The following TM4SF19 variants were observed in gnomAD, a reference collection of about 807,000 sequenced individuals.
The protein encoded by TM4SF19 is transmembrane 4 L six family member 19.
Under a neutral mutation model 21.8 loss-of-function variants are expected in TM4SF19, and 17 were observed. The ratio of observed to expected loss-of-function variants is 0.78; its 90% CI spans 0.53 to 1.17. The LOEUF is 1.17. Ranked by LOEUF, TM4SF19 falls within the 50% of genes most tolerant of loss-of-function variation. The pLI is 0.00. For missense variants in TM4SF19, 216 were observed against 252.1 expected (o/e 0.86, Z 0.97); for synonymous variants, 107 against 106.7 (o/e 1.00, Z -0.02).
intron 1 of TM4SF19, among the ~76,000 whole-genome samples, chr3:196,332,611 G>GTA (rs1727564534): frequency 1.3e-5 from 2 of 150,462 alleles, no homozygotes. Context: ...ATGTGTGTAC[G>GTA]TACACACACA....
intron 1 of TM4SF19, among the ~76,000 whole-genome samples, chr3:196,330,134 C>T (rs940062236): frequency 2.1e-4 from 28 of 136,324 alleles, no homozygotes; most frequent in African/African-American, 5.5e-4. Flanking sequence ...GGCCTCCCAC[C>T]GCGCGCGGTG....
chr3:196,324,530 G>A (rs1300553606), intron 3 of TM4SF19, 90 bp from the exon 4 acceptor site: 6 of 1,421,956 alleles, frequency 4.2e-6, no homozygotes, highest in African/African-American at 2.8e-5. Flanking sequence ...AGACGGGGTC[G>A]CAGCTGGGGA....
At chr3:196,333,410 AAC>A (rs1727602030) in intron 1 of TM4SF19, among the ~76,000 whole-genome samples, 2 of 152,230 alleles carry the variant, frequency 1.3e-5, no homozygotes, top group South Asian at 2.1e-4. Flanking sequence ...AATAAAATAG[AAC>A]AGTTATAACA....
intron 2 of TM4SF19, 45 bp from the exon 3 acceptor site, chr3:196,327,077 CG>C: frequency 1.3e-6 from 2 of 1,532,144 alleles, no homozygotes; most frequent in Middle Eastern, 1.7e-4. Context: ...TCGACTTTGC[CG>C]GCTGTTTCTA....
rs746750815 is a variant in TM4SF19, at chr3:196,324,172, A to G, written c.449+99T>C. The G allele has an allele frequency of 3.4e-6, 5 of 1,481,376 alleles. No homozygotes were observed. In the South Asian group the frequency reaches 5.8e-5, roughly 17 times the overall value. The allele number at this position is 1,481,376 out of a possible 1,614,324, so 91.8% of individuals were successfully genotyped here. On this transcript the variant is annotated intron_variant, in intron 4 of 4. Coordinates refer to ENST00000273695, the MANE Select transcript of TM4SF19 (RefSeq NM_138461.4). ...AGTATCAGAGGAGCAAGATGCTAGGATGTGTGACCCAAAGGAGCTTGTAGT... is the reference window on the plus strand; with the variant it reads ...AGTATCAGAGGAGCAAGATGCTAGGGTGTGTGACCCAAAGGAGCTTGTAGT...
At chr3:196,324,765 C>T in intron 3 of TM4SF19, 1 of 285,802 alleles carries the variant, frequency 3.5e-6, no homozygotes, top group Non-Finnish European at 6.6e-6. Flanking sequence ...CATCACAAAC[C>T]TTTTGCACAT....
chr3:196,324,059 C>A, intron 4 of TM4SF19, 62 bp from the exon 5 acceptor site: 1 of 1,583,250 alleles, frequency 6.3e-7, no homozygotes, highest in South Asian at 1.1e-5. Context: ...AAACAGGCAA[C>A]CCCAGTAGAA....
At chr3:196,334,745 A>C (rs1727655205) in intron 1 of TM4SF19, among the ~76,000 whole-genome samples, 1 of 151,644 alleles carries the variant, frequency 6.6e-6, no homozygotes, top group South Asian at 2.1e-4. Flanking sequence ...TGAGCCACCA[A>C]ACCCGGCCAG....
At chr3:196,328,552 A>G (rs960903993) in intron 1 of TM4SF19, among the ~76,000 whole-genome samples, 4 of 152,224 alleles carry the variant, frequency 2.6e-5, no homozygotes, top group African/African-American at 9.6e-5. Context: ...TGCAAGACCT[A>G]TATAGTAAGA....
At chr3:196,324,511 G>A (rs571581907) in intron 3 of TM4SF19, 71 bp from the exon 4 acceptor site, 46 of 1,538,774 alleles carry the variant, frequency 3.0e-5, no homozygotes, top group African/African-American at 5.5e-5. Context: ...GAGGAGAAAC[G>A]CTGAGCTAAG....
Position 196,326,982 on chromosome 3 carries a change from G to GCA in TM4SF19, c.250_251dup (p.Phe85AlafsTer26). On this transcript the variant is annotated frameshift_variant, in exon 3 of 5. Transcript: ENST00000273695. LOFTEE classifies it high-confidence loss of function. ...TTCGACAGAGCCCACTCTTACTGAA[G>GCA]CAGCCGTATCTCCAGCCCATCAAGG... The GCA allele has an allele frequency of 6.2e-7, 1 of 1,610,876 alleles. No individual in the cohort carries two copies. The highest frequency in any genetic ancestry group is 8.5e-7 in the Non-Finnish European group (1 of 1,177,938).
At position 196,323,652 on chromosome 3, in the gene TM4SF19, A is replaced by G. The variant is rs139136804; in HGVS notation, c.*165T>C. ...CTGGAAGTTTACAATGTGATTTAAA[A>G]TGCATTCTATCATTCCACCGACCTG... On this transcript the variant is annotated 3_prime_UTR_variant, in exon 5 of 5. Coordinates refer to ENST00000273695, the MANE Select transcript of TM4SF19 (RefSeq NM_138461.4). 255 of 1,328,944 alleles carry G rather than the reference A, an allele frequency of 1.9e-4. 1 individual carries two copies. The African/African-American group carries it at 3.4e-3, about 18-fold the overall frequency. 82.3% of individuals were successfully genotyped at this position (1,328,944 alleles called of 1,614,324 possible). A position where few individuals can be genotyped will look rare whatever the true frequency, so the allele number is the denominator to read the frequency against.
chr3:196,336,200 G>A (rs759262443), intron 1 of TM4SF19, among the ~76,000 whole-genome samples: 3 of 151,716 alleles, frequency 2.0e-5, no homozygotes, highest in Non-Finnish European at 2.9e-5. Flanking sequence ...GTGCAATGGC[G>A]CGGCCTCAGC....
At chr3:196,335,670 A>T (rs952839825) in intron 1 of TM4SF19, among the ~76,000 whole-genome samples, 5 of 151,560 alleles carry the variant, frequency 3.3e-5, no homozygotes, top group African/African-American at 1.2e-4. Context: ...AGGCCACCGG[A>T]CTCCTCAGTC....
intron 2 of TM4SF19, 96 bp from the exon 3 acceptor site, chr3:196,327,128 T>G: frequency 2.0e-6 from 2 of 1,015,220 alleles, no homozygotes; most frequent in Non-Finnish European, 1.5e-6. Context: ...GCAGCTCACA[T>G]GAACGCAGTC....
In TM4SF19 at chr3:196,327,551, A is replaced by G. The variant is rs1727347565; in HGVS notation, c.40T>C (p.Cys14Arg). 1 of 1,613,914 alleles carries G rather than the reference A, an allele frequency of 6.2e-7. No individual in the cohort carries two copies. The change falls in exon 2 of 5, where the codon TGC becomes CGC. Residue 14 changes from cysteine (C) to arginine (R), a missense_variant. Transcript: ENST00000273695. ...SPCTQASSRT[C>R]SRILGLSLGT... ...AGGCTCAGTCCCAGGATACGGGAGC[A>G]AGTCCGTGAGCTTGCCTGCGTGCAG...
rs34061826 is a variant in TM4SF19, at chr3:196,329,047, G to A, written c.-1-1456C>T. ...CAACCTCTGCCTCCCAGGTTCAAGCGATTCTCCTGCCTCAGCCTCCCAAGT... is the reference window on the plus strand; with the variant it reads ...CAACCTCTGCCTCCCAGGTTCAAGCAATTCTCCTGCCTCAGCCTCCCAAGT... On this transcript the variant is annotated intron_variant, in intron 1 of 4. Transcript: ENST00000273695. Among the ~76,000 whole-genome samples the A allele has an allele frequency of 8.9e-4, 133 of 149,292 alleles. 2 individuals are homozygous for A. Among genetic ancestry groups the A allele is most frequent in the African/African-American group, 3.2e-3 (132 of 40,946 alleles).
chr3:196,336,145 GT>G (rs528556680), intron 1 of TM4SF19, among the ~76,000 whole-genome samples: 40 of 147,322 alleles, frequency 2.7e-4, no homozygotes, highest in African/African-American at 8.2e-4. Flanking sequence ...TTTGTTTTTT[GT>G]TTTTTTTTTG....
At chr3:196,335,875 C>A (rs1048663936) in intron 1 of TM4SF19, among the ~76,000 whole-genome samples, 16 of 152,018 alleles carry the variant, frequency 1.1e-4, no homozygotes, top group Non-Finnish European at 2.1e-4. Flanking sequence ...GTTAACAACT[C>A]ACAACTTTAA....
Sources: allele counts gnomAD v4.1 joint callset (sites outside exome capture counted in the v4.1 genomes callset), GRCh38; gene constraint gnomAD v4.1.1; transcripts MANE v1.5; gene names NCBI Gene and HGNC (gene_info 2026-07-23, HGNC 2026-07-21).